Variants in XRCC4 observed in about 807,000 individuals in gnomAD.
XRCC4 encodes DNA repair protein XRCC4.
A neutral mutation model predicts 39.1 loss-of-function variants in XRCC4; 28 were observed. That is an observed-to-expected ratio of 0.72 (90% CI 0.53 to 0.98). XRCC4 has a LOEUF of 0.98. Ranked by LOEUF, XRCC4 falls within the 50% of genes least tolerant of loss-of-function variation. The pLI, the probability that XRCC4 is intolerant of heterozygous loss-of-function variation, is 0.00. For synonymous variants in XRCC4, 123 were observed against 126.4 expected, an observed-to-expected ratio of 0.97 and a Z score of 0.18; for missense variants, 350 against 376.4, an observed-to-expected ratio of 0.93 and a Z score of 0.58.
chr5:83,102,163 T>C (rs901411556), intron 1 of XRCC4, among the ~76,000 whole-genome samples: 11 of 152,118 alleles, frequency 7.2e-5, no homozygotes, highest in African/African-American at 2.7e-4. Context: ...ATTTTTTAAT[T>C]GTTTATAATA....
chr5:83,238,301 C>G (rs1378146039), intron 6 of XRCC4, among the ~76,000 whole-genome samples: 3 of 152,152 alleles, frequency 2.0e-5, no homozygotes, highest in Non-Finnish European at 4.4e-5. Flanking sequence ...ACCTTATTAC[C>G]TACTAGTGGC....
chr5:83,128,237 C>T (rs1747375404), intron 3 of XRCC4, among the ~76,000 whole-genome samples: 1 of 152,010 alleles, frequency 6.6e-6, no homozygotes, highest in African/African-American at 2.4e-5. Flanking sequence ...GGTTTTCTGT[C>T]CTTGCAATAG....
At chr5:83,243,138 A>G (rs563759768) in intron 6 of XRCC4, among the ~76,000 whole-genome samples, 5 of 152,352 alleles carry the variant, frequency 3.3e-5, no homozygotes, top group Admixed American at 1.3e-4. Flanking sequence ...TTCTGACTAC[A>G]TGCTTGTATT....
chr5:83,123,182 A>G (rs893780770), intron 3 of XRCC4, among the ~76,000 whole-genome samples: 4 of 152,116 alleles, frequency 2.6e-5, no homozygotes, highest in African/African-American at 9.7e-5. Flanking sequence ...CCTTGAAGTA[A>G]TATCAGACAT....
chr5:83,346,529 C>T (rs1239699689), intron 7 of XRCC4, among the ~76,000 whole-genome samples: 3 of 152,118 alleles, frequency 2.0e-5, no homozygotes, highest in Non-Finnish European at 4.4e-5. Flanking sequence ...GTGTTACCTT[C>T]AAGCTATTTA....
chr5:83,347,044 G>A (rs1756937080), intron 7 of XRCC4, among the ~76,000 whole-genome samples: 1 of 152,076 alleles, frequency 6.6e-6, no homozygotes, highest in Non-Finnish European at 1.5e-5. Flanking sequence ...GATACTAATT[G>A]TCTAGTTTAT....
the XRCC4 span, among the ~76,000 whole-genome samples, chr5:83,364,455 G>T: frequency 6.6e-6 from 1 of 152,098 alleles, no homozygotes; most frequent in Admixed American, 6.5e-5. Flanking sequence ...AATCTTTTAT[G>T]AGTCAGTCTT....
intron 3 of XRCC4, among the ~76,000 whole-genome samples, chr5:83,126,371 T>C (rs983079987): frequency 2.0e-5 from 3 of 152,210 alleles, no homozygotes; most frequent in African/African-American, 7.2e-5. Flanking sequence ...AACCGTATAT[T>C]CTCCAAACTT....
chr5:83,107,084 A>G (rs1484056919), intron 2 of XRCC4, among the ~76,000 whole-genome samples: 1 of 152,028 alleles, frequency 6.6e-6, no homozygotes, highest in Non-Finnish European at 1.5e-5. Context: ...TCCTGTACCA[A>G]ACAAGCTTTA....
chr5:83,310,064 G>T (rs1755653147), intron 7 of XRCC4, among the ~76,000 whole-genome samples: 1 of 152,170 alleles, frequency 6.6e-6, no homozygotes, highest in South Asian at 2.1e-4. Flanking sequence ...TTACATTCCT[G>T]TTGGGGATAA....
At chr5:83,294,005 A>G (rs1755011858) in intron 7 of XRCC4, among the ~76,000 whole-genome samples, 1 of 151,852 alleles carries the variant, frequency 6.6e-6, no homozygotes, top group African/African-American at 2.4e-5. Flanking sequence ...TTCTTTTAAA[A>G]TCTCTTTTCC....
At chr5:83,081,932 C>A (rs917500149) in intron 1 of XRCC4, among the ~76,000 whole-genome samples, 3 of 152,210 alleles carry the variant, frequency 2.0e-5, no homozygotes, top group Admixed American at 6.5e-5. Context: ...CATTCTTTCT[C>A]ATCTGAATTG....
chr5:83,141,861 G>C (rs6894425), intron 3 of XRCC4, among the ~76,000 whole-genome samples: 69,130 of 151,126 alleles, frequency 0.46, 16,663 homozygotes, highest in African/African-American at 0.59. Context: ...AAAAAATGCT[G>C]TTTCAATCTG....
chr5:83,147,088 C>T (rs1035572660), intron 3 of XRCC4, among the ~76,000 whole-genome samples: 4 of 152,178 alleles, frequency 2.6e-5, no homozygotes, highest in Admixed American at 6.5e-5. Flanking sequence ...TTAACAACTT[C>T]TCAAGCTTAT....
At chr5:83,340,074 G>C (rs1756709160) in intron 7 of XRCC4, among the ~76,000 whole-genome samples, 2 of 152,226 alleles carry the variant, frequency 1.3e-5, no homozygotes, top group South Asian at 4.1e-4. Flanking sequence ...CCCAATGTCT[G>C]TTTCTTTGAG....
intron 1 of XRCC4, among the ~76,000 whole-genome samples, chr5:83,078,996 G>A (rs1421692348): frequency 6.6e-6 from 1 of 152,198 alleles, no homozygotes; most frequent in Non-Finnish European, 1.5e-5. Flanking sequence ...GGCAGTAAAT[G>A]TGTCTGTAGA....
chr5:83,186,887 C>T (rs931958396), intron 3 of XRCC4, among the ~76,000 whole-genome samples: 1 of 151,874 alleles, frequency 6.6e-6, no homozygotes, highest in Admixed American at 6.6e-5. Context: ...ATTGTCTTGT[C>T]TTTCCCCGTT....
At chr5:83,192,982 G>A (rs568209007) in intron 3 of XRCC4, among the ~76,000 whole-genome samples, 10 of 152,152 alleles carry the variant, frequency 6.6e-5, no homozygotes, top group Non-Finnish European at 1.3e-4. Flanking sequence ...ACAACAGTAC[G>A]ATATAGCTTT....
intron 3 of XRCC4, among the ~76,000 whole-genome samples, chr5:83,127,046 A>C (rs1361052731): frequency 1.3e-5 from 2 of 152,090 alleles, no homozygotes; most frequent in East Asian, 3.9e-4. Context: ...TTAAGGATTA[A>C]TTGTTCCTTG....
Sources: allele counts gnomAD v4.1 joint callset (sites outside exome capture counted in the v4.1 genomes callset), GRCh38; gene constraint gnomAD v4.1.1; transcripts MANE v1.5; gene names NCBI Gene and HGNC (gene_info 2026-07-23, HGNC 2026-07-21).